The following CADM4 variants were observed in gnomAD, a reference collection of about 807,000 sequenced individuals.
The protein encoded by CADM4 is cell adhesion molecule 4, also known as TSLC1-like 2.
Under a neutral mutation model 43.9 loss-of-function variants are expected in CADM4, and 13 were observed. The observed-to-expected ratio is 0.30, with a 90% confidence interval of 0.19 to 0.47. CADM4 has a LOEUF of 0.47. Among genes scored for constraint, CADM4 ranks in the 20% least tolerant of loss-of-function variants. The probability of loss-of-function intolerance (pLI) is 1.00; values close to 1 mark genes in which losing one functional copy is unlikely to be tolerated. For synonymous variants in CADM4, 209 were observed against 220.9 expected, an observed-to-expected ratio of 0.95 and a Z score of 0.48; for missense variants, 420 against 527.0, an observed-to-expected ratio of 0.80 and a Z score of 1.99.
chr19:43,640,060 G>C (rs899616656), upstream of CADM4, among the ~76,000 whole-genome samples: 20 of 151,324 alleles, frequency 1.3e-4, no homozygotes, highest in African/African-American at 4.6e-4. Context: ...CGACAGCGGC[G>C]TGGGAGCAGG....
intron 8 of CADM4, 56 bp downstream of exon 8, chr19:43,624,058 C>T (rs1973483471): frequency 8.7e-6 from 14 of 1,601,254 alleles, no homozygotes; most frequent in Non-Finnish European, 2.6e-6. Context: ...TAGGCCCCGC[C>T]TCTTTCCGAG....
Position 43,623,344 on chromosome 19 carries a change from C to T in CADM4, c.1153G>A (p.Glu385Lys). The T allele has an allele frequency of 1.2e-6, 2 of 1,613,986 alleles. No homozygotes were observed. Among genetic ancestry groups the T allele is most frequent in the Non-Finnish European group, 1.7e-6 (2 of 1,179,936 alleles). The part of the protein sequence containing the change: ...NGSDGHKRKE[E>K]FFI ...TGGGGATAGGGTCAGATGAAGAATT[C>T]CTCTTTCCTCTTGTGTCCGTCGCTG... The change falls in exon 9 of 9, where the codon GAA becomes AAA. Residue 385 changes from glutamate to lysine, a missense_variant. Physicochemically the swap from Glu to Lys is moderately conservative, Grantham distance 56. Coordinates refer to ENST00000222374, the MANE Select transcript of CADM4 (RefSeq NM_145296.2). This position sits in a 1 kb window ranked among gnomAD's most constrained non-coding sequence, Gnocchi z 4.4.
intron 1 of CADM4, among the ~76,000 whole-genome samples, chr19:43,631,537 T>C (rs1356354126): frequency 2.0e-5 from 3 of 152,198 alleles, no homozygotes; most frequent in Admixed American, 6.5e-5. Flanking sequence ...TTGTATTTTA[T>C]GGTTGCACTA....
chr19:43,629,447 C>T (rs1973583903), intron 1 of CADM4, among the ~76,000 whole-genome samples: 1 of 152,048 alleles, frequency 6.6e-6, no homozygotes, highest in African/African-American at 2.4e-5. Flanking sequence ...AGCTGAAAGC[C>T]AAGACTAATC....
In CADM4 at chr19:43,624,171, C is replaced by T; in HGVS notation, c.1000G>A (p.Val334Met). ...AIVGGILALLVFLIICVLVGM... is the reference protein window; with the variant it reads ...AIVGGILALLMFLIICVLVGM... ...ACTAGCACACATATGATCAGAAACACCAGCAGCGCCAGGATGCCGCCCACA... is the reference window on the plus strand; with the variant it reads ...ACTAGCACACATATGATCAGAAACATCAGCAGCGCCAGGATGCCGCCCACA... The change falls in exon 8 of 9, where the codon GTG (valine) becomes ATG (methionine). Residue 334 changes from valine to methionine, a missense_variant. Val to Met is a conservative substitution (Grantham distance 21, BLOSUM62 1). Coordinates refer to ENST00000222374, the MANE Select transcript of CADM4 (RefSeq NM_145296.2). 1 of 1,614,174 alleles carries T rather than the reference C, an allele frequency of 6.2e-7. No homozygotes were observed. The highest frequency in any genetic ancestry group is 1.3e-5 in the African/African-American group (1 of 75,054).
chr19:43,625,054 C>T lies in CADM4; in HGVS notation c.928+24G>A. 1.3e-6 allele frequency: 2 copies of T among 1,492,722 alleles called. No homozygotes were observed. Among genetic ancestry groups the T allele is most frequent in the Non-Finnish European group, 1.8e-6 (2 of 1,120,510 alleles). The allele number at this position is 1,492,722 out of a possible 1,614,324, so 92.5% of individuals were successfully genotyped here. On this transcript the variant is annotated intron_variant, in intron 7 of 8. Coordinates refer to ENST00000222374, the MANE Select transcript of CADM4 (RefSeq NM_145296.2). The surrounding 1 kb of genome is among the most constrained non-coding windows in gnomAD (Gnocchi z 4.5). ...CCACCTGGCGCCCCGCCCCCGCCCT[C>T]AGTCGGCCGCAGCCTGCTCTCACCG...
chr19:43,625,169 C>G lies in CADM4; in HGVS notation c.837G>C (p.Pro279=), dbSNP rs145789919. Reference sequence around the variant, plus strand: ...TGCCGTTATCCGCGGATACCAGACCCGGCAGCGTGAGCGTCTCTCCCACGG... The same window carrying G: ...TGCCGTTATCCGCGGATACCAGACCGGGCAGCGTGAGCGTCTCTCCCACGG... ...AEAVGETLTL[P]GLVSADNGTY... Residue 279 remains proline (P), a synonymous_variant, in exon 7 of 9, where the codon CCG becomes CCC. Coordinates refer to ENST00000222374, the MANE Select transcript of CADM4 (RefSeq NM_145296.2). The surrounding 1 kb of genome is among the most constrained non-coding windows in gnomAD (Gnocchi z 4.5). 24 of 1,614,214 alleles carry G rather than the reference C, an allele frequency of 1.5e-5. No individual in the cohort carries two copies. Among genetic ancestry groups the G allele is most frequent in the Non-Finnish European group, 1.9e-5 (23 of 1,180,028 alleles).
chr19:43,627,957 T>A lies in CADM4; in HGVS notation c.65-167A>T, dbSNP rs1399572987. Among the ~76,000 whole-genome samples the A allele has an allele frequency of 6.6e-6, 1 of 152,082 alleles. No homozygotes were observed. Among genetic ancestry groups the A allele is most frequent in the Non-Finnish European group, 1.5e-5 (1 of 68,016 alleles). On this transcript the variant is annotated intron_variant, in intron 1 of 8. Coordinates refer to ENST00000222374, the MANE Select transcript of CADM4 (RefSeq NM_145296.2). The surrounding 1 kb of genome is among the most constrained non-coding windows in gnomAD (Gnocchi z 4.0). ...GCTAGAGTCCAGGACAGGGAGGAAATCTGCTCCCTACTCTAAAAGAGCTGC... is the reference window on the plus strand; with the variant it reads ...GCTAGAGTCCAGGACAGGGAGGAAAACTGCTCCCTACTCTAAAAGAGCTGC...
chr19:43,624,262 C>T lies in CADM4; in HGVS notation c.929-20G>A. The T allele has an allele frequency of 1.9e-6, 3 of 1,614,096 alleles. No individual in the cohort carries two copies. The highest frequency in any genetic ancestry group is 2.5e-6 in the Non-Finnish European group (3 of 1,179,998). Reference sequence around the variant, plus strand: ...CAGGGTCTGCCAGAGGGACACGGCACAGGACCAGGTCATCAGAGGACGATC... The same window carrying T: ...CAGGGTCTGCCAGAGGGACACGGCATAGGACCAGGTCATCAGAGGACGATC... On this transcript the variant is annotated intron_variant, in intron 7 of 8. Transcript: ENST00000222374.
intron 7 of CADM4, chr19:43,624,789 C>A: frequency 2.3e-6 from 1 of 441,658 alleles, no homozygotes; most frequent in South Asian, 2.8e-5. Context: ...GAGCCCATTC[C>A]AACCACCTTA....
upstream of CADM4, among the ~76,000 whole-genome samples, chr19:43,641,453 T>A (rs1054994449): frequency 6.6e-6 from 1 of 152,002 alleles, no homozygotes; most frequent in East Asian, 1.9e-4. Context: ...GTCCTCAGGG[T>A]CCAAGCTCCC....
chr19:43,639,786 C>A lies in CADM4; in HGVS notation c.5G>T (p.Gly2Val), dbSNP rs1054496245. 4.0e-6 allele frequency: 4 copies of A among 1,009,324 alleles called. No homozygotes were observed. The Admixed American group carries it at 1.7e-4, about 43-fold the overall frequency. The allele number at this position is 1,009,324 out of a possible 1,614,324, so 62.5% of individuals were successfully genotyped here. A position where few individuals can be genotyped will look rare whatever the true frequency, so the allele number is the denominator to read the frequency against. Residue 2 changes from glycine to valine, a missense_variant, in exon 1 of 9, where the codon GGC becomes GTC. Gly to Val is a moderately radical substitution (Grantham distance 109). Coordinates refer to ENST00000222374, the MANE Select transcript of CADM4 (RefSeq NM_145296.2). Reference protein sequence around the residue: MGRARRFQWPLL... With the variant: MVRARRFQWPLL... ...CGGCCACTGGAAGCGCCGGGCCCGG[C>A]CCATGGTGCCGCCGCCGCCGCCGCC...
At chr19:43,632,257 A>G (rs753492976) in intron 1 of CADM4, among the ~76,000 whole-genome samples, 10 of 151,954 alleles carry the variant, frequency 6.6e-5, no homozygotes, top group Non-Finnish European at 1.5e-4. Flanking sequence ...TACCTCCAAG[A>G]CATATCCCAG....
At chr19:43,634,423 G>A (rs1344955220) in intron 1 of CADM4, among the ~76,000 whole-genome samples, 1 of 152,118 alleles carries the variant, frequency 6.6e-6, no homozygotes, top group African/African-American at 2.4e-5. Flanking sequence ...CCATCTCCTG[G>A]GAGCCATCAG....
At position 43,623,412 on chromosome 19, in the gene CADM4, C is replaced by G. The variant is rs985328300; in HGVS notation, c.1085G>C (p.Gly362Ala). The change falls in exon 9 of 9, where the codon GGC becomes GCC. Residue 362 changes from glycine to alanine, a missense_variant. Coordinates refer to ENST00000222374, the MANE Select transcript of CADM4 (RefSeq NM_145296.2). This position sits in a 1 kb window ranked among gnomAD's most constrained non-coding sequence, Gnocchi z 4.4. ...TCTTGCTTCTCCCTGTTCATCCAAG[C>G]CACTGGCTTCGTGGGTCAGATAGGA... ...KGSYLTHEASGLDEQGEAREA... is the reference protein window; with the variant it reads ...KGSYLTHEASALDEQGEAREA... The G allele has an allele frequency of 3.7e-6, 6 of 1,614,022 alleles. No individual in the cohort carries two copies. Among genetic ancestry groups the G allele is most frequent in the Non-Finnish European group, 4.2e-6 (5 of 1,180,000 alleles).
chr19:43,639,870 CCCCGCCCCCTG>C (rs1349116695), upstream of CADM4: 36 of 973,418 alleles, frequency 3.7e-5, no homozygotes, highest in East Asian at 1.2e-4. Context: ...GCCCCCCGCG[CCCCGCCCCCTG>C]CCCGCCCGGG....
chr19:43,637,710 A>T (rs542465568), intron 1 of CADM4, among the ~76,000 whole-genome samples: 1 of 152,318 alleles, frequency 6.6e-6, no homozygotes, highest in African/African-American at 2.4e-5. Context: ...TGGTCACCTT[A>T]AGCTATATTC....
At chr19:43,631,276 G>A (rs1247598565) in intron 1 of CADM4, among the ~76,000 whole-genome samples, 1 of 151,992 alleles carries the variant, frequency 6.6e-6, no homozygotes, top group Non-Finnish European at 1.5e-5. Context: ...GGGAGGCAGA[G>A]GTTGCAGTGA....
chr19:43,634,856 G>T lies in CADM4; in HGVS notation c.64+4871C>A, dbSNP rs563953773. ...GCCCCTCCTCCATCAGGTTCCAGGA[G>T]TCTGGAACCCCGGCTTCTTTCCGCC... On this transcript the variant is annotated intron_variant, in intron 1 of 8. Coordinates refer to ENST00000222374, the MANE Select transcript of CADM4 (RefSeq NM_145296.2). 4.6e-5 allele frequency among the ~76,000 whole-genome samples: 7 copies of T among 151,640 alleles called. No individual in the cohort carries two copies. In the East Asian group the frequency reaches 1.4e-3, roughly 30 times the overall value.
Sources: allele counts gnomAD v4.1 joint callset (sites outside exome capture counted in the v4.1 genomes callset), GRCh38; gene constraint gnomAD v4.1.1; non-coding constraint Gnocchi (gnomAD v3.1); transcripts MANE v1.5; gene names NCBI Gene and HGNC (gene_info 2026-07-23, HGNC 2026-07-21).